Variants in PRKN observed in about 807,000 individuals in gnomAD.
The protein encoded by PRKN is parkin RBR E3 ubiquitin protein ligase.
A neutral mutation model predicts 59.5 loss-of-function variants in PRKN; 56 were observed. The observed-to-expected ratio is 0.94, with a 90% CI of 0.76 to 1.18. The LOEUF (loss-of-function observed/expected upper bound fraction) is 1.18. PRKN is among the 50% of genes most tolerant of loss of function. PRKN has a pLI of 0.00. For synonymous variants in PRKN, 250 were observed against 222.1 expected (o/e 1.13, Z -1.12); for missense variants, 657 against 596.4 (o/e 1.10, Z -1.06).
intron 2 of PRKN, among the ~76,000 whole-genome samples, chr6:162,325,195 T>C (rs1783213538): frequency 6.6e-6 from 1 of 152,238 alleles, no homozygotes; most frequent in Admixed American, 6.5e-5. Context: ...ATTTAAGCTC[T>C]TTGAATGTAA....
intron 7 of PRKN, among the ~76,000 whole-genome samples, chr6:161,610,492 T>TACACAC (rs370179659): frequency 0.027 from 3,826 of 139,798 alleles, 135 homozygotes; most frequent in African/African-American, 0.079. Context: ...ATATTAATAA[T>TACACAC]ACACACACAC....
intron 6 of PRKN, among the ~76,000 whole-genome samples, chr6:161,799,518 C>A (rs1442014346): frequency 6.6e-6 from 1 of 152,144 alleles, no homozygotes; most frequent in East Asian, 1.9e-4. Flanking sequence ...CCAATACTTG[C>A]GACTTCCACA....
chr6:162,498,102 C>T (rs1216952252), intron 1 of PRKN, among the ~76,000 whole-genome samples: 1 of 152,106 alleles, frequency 6.6e-6, no homozygotes, highest in Non-Finnish European at 1.5e-5. Context: ...AGAATGTATA[C>T]ATCCTTTACA....
intron 6 of PRKN, among the ~76,000 whole-genome samples, chr6:161,902,933 C>T (rs917821983): frequency 6.6e-6 from 1 of 152,132 alleles, no homozygotes; most frequent in Non-Finnish European, 1.5e-5. Flanking sequence ...CCTGTATAAA[C>T]CCCTGCTCTC....
At chr6:161,988,495 A>C (rs975899137) in intron 5 of PRKN, among the ~76,000 whole-genome samples, 5 of 151,964 alleles carry the variant, frequency 3.3e-5, no homozygotes, top group Non-Finnish European at 7.4e-5. Context: ...CAAAAAAACA[A>C]AATAAAATAA....
At chr6:162,335,792 G>A (rs2128126196) in intron 2 of PRKN, among the ~76,000 whole-genome samples, 1 of 152,054 alleles carries the variant, frequency 6.6e-6, no homozygotes, top group Non-Finnish European at 1.5e-5. Context: ...TTCCTTCAGA[G>A]GTAGAGGGCT....
chr6:162,576,832 A>AAAAAAAAAAAAAT (rs1780577815), intron 1 of PRKN, among the ~76,000 whole-genome samples: 1 of 141,958 alleles, frequency 7.0e-6, no homozygotes, highest in Non-Finnish European at 1.5e-5. Context: ...AAAAAAAAAA[A>AAAAAAAAAAAAAT]GGGACTACTT....
rs1778693637 is a variant in PRKN at position 161,518,370 on chromosome 6, A to T, written c.1083+30484T>A. Among the ~76,000 whole-genome samples the T allele has an allele frequency of 6.6e-6, 1 of 152,214 alleles. No homozygotes were observed. The highest frequency in any genetic ancestry group is 6.5e-5 in the Admixed American group (1 of 15,286). On this transcript the variant is annotated intron_variant, in intron 9 of 11. Coordinates refer to ENST00000366898, the MANE Select transcript of PRKN (RefSeq NM_004562.3). This position sits in a 1 kb window ranked among gnomAD's most constrained non-coding sequence, Gnocchi z 5.0. Reference sequence around the variant, plus strand: ...TGTCCTGTGCAGGGAAAGCAGCAGAAGGGCCCAGAAACAGCCAGTAGCCAG... The same window carrying T: ...TGTCCTGTGCAGGGAAAGCAGCAGATGGGCCCAGAAACAGCCAGTAGCCAG...
chr6:161,631,753 G>A (rs1424580046), intron 7 of PRKN, among the ~76,000 whole-genome samples: 1 of 129,726 alleles, frequency 7.7e-6, no homozygotes, highest in East Asian at 2.2e-4. Flanking sequence ...GTTGCTAGGG[G>A]TACGCACACA....
intron 1 of PRKN, among the ~76,000 whole-genome samples, chr6:162,576,110 C>T (rs1363164905): frequency 1.3e-5 from 2 of 152,182 alleles, no homozygotes; most frequent in Non-Finnish European, 2.9e-5. Flanking sequence ...CACTCTGCTT[C>T]CTTCTGCCTC....
chr6:162,303,118 T>A (rs1431976279), intron 2 of PRKN, among the ~76,000 whole-genome samples: 2 of 146,696 alleles, frequency 1.4e-5, no homozygotes, highest in African/African-American at 5.5e-5. Flanking sequence ...CTATTTGTTC[T>A]GCTATGGTGT....
intron 1 of PRKN, among the ~76,000 whole-genome samples, chr6:162,450,374 TTGTAATCCCCCTGTGAA>T (rs1220658489): frequency 1.5e-5 from 2 of 129,438 alleles, no homozygotes; most frequent in Non-Finnish European, 3.4e-5. Context: ...GCCCCTGTGA[TTGTAATCCCCCTGTGAA>T]TGTAAACGCC....
rs530176070 is a variant in PRKN, at chr6:161,733,902, T to C, written c.871+51870A>G. 8.0e-5 allele frequency among the ~76,000 whole-genome samples: 12 copies of C among 149,562 alleles called. No individual in the cohort carries two copies. The South Asian group carries it at 1.9e-3, about 24-fold the overall frequency. On this transcript the variant is annotated intron_variant, in intron 7 of 11. Coordinates refer to ENST00000366898, the MANE Select transcript of PRKN (RefSeq NM_004562.3). ...GTCTGTCTCCAAAAAATAACTTTCATCTTTTCTCTTCTAATAAATACTTTT... is the reference window on the plus strand; with the variant it reads ...GTCTGTCTCCAAAAAATAACTTTCACCTTTTCTCTTCTAATAAATACTTTT...
At chr6:161,800,771 G>A (rs1212175156) in intron 6 of PRKN, among the ~76,000 whole-genome samples, 2 of 152,222 alleles carry the variant, frequency 1.3e-5, no homozygotes, top group Non-Finnish European at 2.9e-5. Context: ...TCAAGATTCA[G>A]AGACTCATTA....
At chr6:161,455,885 G>A (rs936643008) in intron 9 of PRKN, among the ~76,000 whole-genome samples, 1 of 151,202 alleles carries the variant, frequency 6.6e-6, no homozygotes, top group African/African-American at 2.4e-5. Flanking sequence ...AAAAAATTAG[G>A]TGCATACAAA....
intron 1 of PRKN, among the ~76,000 whole-genome samples, chr6:162,596,244 C>G (rs1432127408): frequency 1.3e-5 from 2 of 152,124 alleles, no homozygotes; most frequent in East Asian, 3.9e-4. Flanking sequence ...AATGGTTTAT[C>G]AATTTTTCTT....
intron 7 of PRKN, among the ~76,000 whole-genome samples, chr6:161,655,686 A>G (rs1452186380): frequency 6.6e-6 from 1 of 152,220 alleles, no homozygotes; most frequent in Non-Finnish European, 1.5e-5. Context: ...TAGGTTTTAA[A>G]CCAGAAGTAG....
rs79551042 is a variant in PRKN at position 161,396,930 on chromosome 6, A to G, written c.1084-10053T>C. 0.07 allele frequency among the ~76,000 whole-genome samples: 10,587 copies of G among 152,246 alleles called. 434 individuals carry two copies. The highest frequency in any genetic ancestry group is 0.082 in the Non-Finnish European group (5,545 of 68,008). On this transcript the variant is annotated intron_variant, in intron 9 of 11. Coordinates refer to ENST00000366898, the MANE Select transcript of PRKN (RefSeq NM_004562.3). This position sits in a 1 kb window ranked among gnomAD's most constrained non-coding sequence, Gnocchi z 5.4. ...TCTTTGGAGGTTTTGCAGCTCCTCA[A>G]TGATCAATCAATCAATCAGTCAAAA...
At chr6:162,147,176 A>C (rs1030518970) in intron 4 of PRKN, among the ~76,000 whole-genome samples, 4 of 151,264 alleles carry the variant, frequency 2.6e-5, no homozygotes, top group African/African-American at 7.3e-5. Context: ...CCTCATCTCT[A>C]CTAAAAACAC....
Sources: allele counts gnomAD v4.1 joint callset (sites outside exome capture counted in the v4.1 genomes callset), GRCh38; gene constraint gnomAD v4.1.1; non-coding constraint Gnocchi (gnomAD v3.1); transcripts MANE v1.5; gene names NCBI Gene and HGNC (gene_info 2026-07-23, HGNC 2026-07-21).